SORL1: variants seen among roughly 807,000 people sequenced by gnomAD.
SORL1 encodes sortilin related receptor 1, also known as sortilin-related receptor.
SORL1 carries 127 observed loss-of-function variants against 273.7 expected under a neutral mutation model. That is an observed-to-expected ratio of 0.46 (90% CI 0.40 to 0.54). The LOEUF (loss-of-function observed/expected upper bound fraction) is 0.54, where lower values mean the gene tolerates loss of function less well. SORL1 is among the 20% of genes least tolerant of loss of function. SORL1 has a pLI of 0.00. For missense variants in SORL1, 2,494 were observed against 2,846.1 expected (o/e 0.88, Z 2.81); for synonymous variants, 1,031 against 1,067.4 (o/e 0.97, Z 0.66).
chr11:121,523,847 C>T (rs530340893), intron 11 of SORL1, among the ~76,000 whole-genome samples: 8 of 152,176 alleles, frequency 5.3e-5, no homozygotes, highest in Non-Finnish European at 1.2e-4. Context: ...GAACAGCTAG[C>T]AGACATAGTT....
chr11:121,459,529 A>T (rs574623642), intron 1 of SORL1, among the ~76,000 whole-genome samples: 1 of 152,262 alleles, frequency 6.6e-6, no homozygotes, highest in East Asian at 1.9e-4. Context: ...GGTTGGCTCT[A>T]GGGCATGCCT....
intron 22 of SORL1, 130 bp downstream of exon 22, chr11:121,567,243 A>G (rs1862768603): frequency 1.3e-6 from 1 of 789,144 alleles, no homozygotes; most frequent in Non-Finnish European, 2.0e-6. Flanking sequence ...GGTAAAAATC[A>G]AACCTACCAG....
chr11:121,461,973 G>C (rs1360446496), intron 1 of SORL1, among the ~76,000 whole-genome samples: 1 of 152,140 alleles, frequency 6.6e-6, no homozygotes, highest in African/African-American at 2.4e-5. Flanking sequence ...CGACAATCTT[G>C]AAAAATGGGG....
At chr11:121,616,188 A>G (rs1261402572) in intron 41 of SORL1, among the ~76,000 whole-genome samples, 4 of 152,130 alleles carry the variant, frequency 2.6e-5, no homozygotes, top group Non-Finnish European at 5.9e-5. Flanking sequence ...GAGTAGGGCA[A>G]TTGCACAGAA....
At chr11:121,469,143 GGAGTCCTCT>G (rs1222724786) in intron 1 of SORL1, among the ~76,000 whole-genome samples, 3 of 152,268 alleles carry the variant, frequency 2.0e-5, no homozygotes, top group African/African-American at 7.2e-5. Context: ...CTGGGGCTTT[GGAGTCCTCT>G]GAATGCGGCC....
Position 121,619,881 on chromosome 11 carries a change from G to A in SORL1, c.5853G>A (p.Lys1951=). The A allele has an allele frequency of 3.7e-6, 6 of 1,614,116 alleles. No homozygotes were observed. The highest frequency in any genetic ancestry group is 5.1e-6 in the Non-Finnish European group (6 of 1,180,012). The change falls in exon 43 of 48, where the codon AAG becomes AAA. Residue 1951 remains lysine (K), a synonymous_variant. Transcript: ENST00000260197. ...VHTGKTSVVI[K]WESPYDSPDQ... ...CGGGCAAAACCTCCGTGGTCATCAA[G>A]TGGGAATCACCGTATGACTCTCCTG...
At chr11:121,457,419 A>G (rs940142832) in intron 1 of SORL1, among the ~76,000 whole-genome samples, 2 of 152,184 alleles carry the variant, frequency 1.3e-5, no homozygotes, top group African/African-American at 4.8e-5. Flanking sequence ...ATATTTTTGT[A>G]TATCTTTCCA....
Position 121,554,433 on chromosome 11 carries a change from A to G in SORL1, c.2439+324A>G, listed in dbSNP as rs991976050. Among the ~76,000 whole-genome samples the G allele has an allele frequency of 2.6e-5, 4 of 152,104 alleles. No homozygotes were observed. Among genetic ancestry groups the G allele is most frequent in the Middle Eastern group, 3.2e-3 (1 of 316 alleles). ...CCCCTATTGTGCCAACTGCCTCTTG[A>G]GCATCTTTCTTCCCAAGCCATGATA... On this transcript the variant is annotated intron_variant, in intron 17 of 47. Coordinates refer to ENST00000260197, the MANE Select transcript of SORL1 (RefSeq NM_003105.6). This position sits in a 1 kb window ranked among gnomAD's most constrained non-coding sequence, Gnocchi z 4.6.
At chr11:121,478,316 G>T in intron 3 of SORL1, 73 bp downstream of exon 3, 1 of 1,520,940 alleles carries the variant, frequency 6.6e-7, no homozygotes, top group Non-Finnish European at 8.9e-7. Context: ...CACTTAAGGG[G>T]GTGCTAGGAG....
At chr11:121,588,702 A>T (rs1362780298) in intron 28 of SORL1, among the ~76,000 whole-genome samples, 2 of 152,178 alleles carry the variant, frequency 1.3e-5, no homozygotes, top group African/African-American at 4.8e-5. Context: ...CACAGACCAG[A>T]TGGCTCAAAC....
chr11:121,568,043 G>A (rs1270770144), intron 22 of SORL1, among the ~76,000 whole-genome samples: 1 of 152,170 alleles, frequency 6.6e-6, no homozygotes, highest in Non-Finnish European at 1.5e-5. Flanking sequence ...TAGGACTACA[G>A]GCACGAGCCC....
At position 121,570,195 on chromosome 11, in the gene SORL1, G is replaced by A. The variant is rs763521621; in HGVS notation, c.3262G>A (p.Gly1088Arg). 5.0e-6 allele frequency: 8 copies of A among 1,613,876 alleles called. No individual in the cohort carries two copies. Among genetic ancestry groups the A allele is most frequent in the African/African-American group, 2.7e-5 (2 of 74,930 alleles). ...TCGCAACCAGTATCGCTGCAGCAAC[G>A]GGAACTGTATCAACAGCATTTGGTG... The part of the protein sequence containing the change: ...CLRNQYRCSN[G>R]NCINSIWWCD... Residue 1088 changes from glycine to arginine, a missense_variant, in exon 23 of 48, where the codon GGG becomes AGG. Physicochemically the swap from Gly to Arg is moderately radical, Grantham distance 125. This residue lies in a region of SORL1 where 1,609 missense variants were observed against 1,816.4 expected (regional missense o/e 0.89). Coordinates refer to ENST00000260197, the MANE Select transcript of SORL1 (RefSeq NM_003105.6).
intron 1 of SORL1, among the ~76,000 whole-genome samples, chr11:121,468,390 G>C (rs777982428): frequency 6.6e-6 from 1 of 152,098 alleles, no homozygotes; most frequent in Non-Finnish European, 1.5e-5. Context: ...TGGTTTCATG[G>C]CATTGTCCTG....
intron 2 of SORL1, among the ~76,000 whole-genome samples, chr11:121,473,463 G>A (rs558794181): frequency 6.6e-6 from 1 of 152,352 alleles, no homozygotes; most frequent in South Asian, 2.1e-4. Flanking sequence ...ATTAATAGAT[G>A]TTTATCTCAC....
At chr11:121,585,538 CTT>C (rs982972296) in intron 26 of SORL1, among the ~76,000 whole-genome samples, 13 of 148,792 alleles carry the variant, frequency 8.7e-5, no homozygotes, top group South Asian at 8.5e-4. Context: ...CACACACACA[CTT>C]ATCAAAATGG....
intron 2 of SORL1, among the ~76,000 whole-genome samples, chr11:121,476,343 T>G (rs1861266460): frequency 6.6e-6 from 1 of 152,224 alleles, no homozygotes; most frequent in Non-Finnish European, 1.5e-5. Flanking sequence ...TATCTGGTAG[T>G]TGGGAACACA....
chr11:121,560,144 A>G (rs566379355), intron 21 of SORL1, among the ~76,000 whole-genome samples: 5 of 152,160 alleles, frequency 3.3e-5, no homozygotes, highest in Non-Finnish European at 5.9e-5. Flanking sequence ...GTTTTAATTA[A>G]CTTTTCCCAC....
In SORL1 at chr11:121,574,282, G is replaced by C; in HGVS notation, c.3379G>C (p.Glu1127Gln). The C allele has an allele frequency of 6.2e-7, 1 of 1,613,884 alleles. No homozygotes were observed. Among genetic ancestry groups the C allele is most frequent in the Non-Finnish European group, 8.5e-7 (1 of 1,179,790 alleles). Residue 1127 changes from glutamate to glutamine, a missense_variant, in exon 24 of 48, where the codon GAG becomes CAG. Glu to Gln is a conservative substitution (Grantham distance 29). Around this residue, in one of 3 missense-constraint regions of SORL1, gnomAD observed 1,609 missense variants for 1,816.4 expected, o/e 0.89. Coordinates refer to ENST00000260197, the MANE Select transcript of SORL1 (RefSeq NM_003105.6). ...CCTGGACACCCAGTTTCGTTGCCAG[G>C]AGTCTGGGACTTGTATCCCACTGTC... ...CDLDTQFRCQ[E>Q]SGTCIPLSYK... is the part of the protein sequence containing the mutation.
intron 6 of SORL1, among the ~76,000 whole-genome samples, chr11:121,501,438 G>T (rs1344988913): frequency 6.6e-6 from 1 of 152,018 alleles, no homozygotes; most frequent in Admixed American, 6.6e-5. Flanking sequence ...TCAATTTTGG[G>T]CAATTTGTGT....
Sources: gnomAD v4.1 joint callset for allele counts (sites outside exome capture counted in the v4.1 genomes callset) on GRCh38, gnomAD v4.1.1 for gene constraint, gnomAD v4.1.1 regional missense constraint, Gnocchi (gnomAD v3.1) non-coding constraint, MANE v1.5 for transcripts, NCBI Gene and HGNC (gene_info 2026-07-23, HGNC 2026-07-21) for gene names.